NT5DC3: variants seen among roughly 807,000 people sequenced by gnomAD.
NT5DC3 encodes the protein 5'-nucleotidase domain-containing protein 3.
A neutral mutation model predicts 67.8 loss-of-function variants in NT5DC3; 42 were observed. The ratio of observed to expected loss-of-function variants is 0.62; its 90% CI spans 0.48 to 0.80. The LOEUF is 0.80. Among genes scored for constraint, NT5DC3 ranks in the 30% least tolerant of loss-of-function variants. NT5DC3 has a pLI of 0.00. For synonymous variants in NT5DC3, 237 were observed against 255.6 expected (o/e 0.93, Z 0.69); for missense variants, 570 against 696.4 (o/e 0.82, Z 2.04).
chr12:103,839,615 C>G (rs12426183), intron 1 of NT5DC3, among the ~76,000 whole-genome samples: 13,854 of 152,154 alleles, frequency 0.091, 879 homozygotes, highest in Non-Finnish European at 0.13. Flanking sequence ...AAAAACTTTC[C>G]TGCCCAAAAG....
chr12:103,815,580 C>A (rs1283616722), intron 1 of NT5DC3, among the ~76,000 whole-genome samples: 1 of 151,978 alleles, frequency 6.6e-6, no homozygotes, highest in African/African-American at 2.4e-5. Context: ...CACCATCACA[C>A]CCTACTAATT....
Position 103,775,524 on chromosome 12 carries a change from G to A in NT5DC3, c.*2305C>T, listed in dbSNP as rs1885313290. On this transcript the variant is annotated 3_prime_UTR_variant, in exon 14 of 14. Coordinates refer to ENST00000392876, the MANE Select transcript of NT5DC3 (RefSeq NM_001031701.3). ...TGCTTCTCCAAAGCAGAAACTTGAA[G>A]CCAAGAACACCAGCGCATTCTTTTA... The A allele has an allele frequency of 6.6e-6, 1 of 152,092 alleles. No individual in the cohort carries two copies. Among genetic ancestry groups the A allele is most frequent in the Non-Finnish European group, 1.5e-5 (1 of 68,018 alleles). 9.4% of individuals were successfully genotyped at this position (152,092 alleles called of 1,614,324 possible).
chr12:103,794,308 T>C (rs9706225), intron 6 of NT5DC3, among the ~76,000 whole-genome samples: 55,723 of 151,314 alleles, frequency 0.37, 11,336 homozygotes, highest in East Asian at 0.88. Flanking sequence ...CGCCAGCACA[T>C]CAGGCTAATT....
chr12:103,831,808 A>G (rs1182587565), intron 1 of NT5DC3, among the ~76,000 whole-genome samples: 3 of 142,518 alleles, frequency 2.1e-5, no homozygotes, highest in South Asian at 2.2e-4. Flanking sequence ...CAGAATCCCA[A>G]TCTGTCACTC....
At chr12:103,750,309 G>C in the NT5DC3 span, among the ~76,000 whole-genome samples, 1 of 152,244 alleles carries the variant, frequency 6.6e-6, no homozygotes, top group Non-Finnish European at 1.5e-5. Flanking sequence ...AGGCCAATGT[G>C]ATAGAAGGGA....
chr12:103,770,595 CAACT>C (rs2139281880), downstream of NT5DC3: 1 of 152,234 alleles, frequency 6.6e-6, no homozygotes, highest in Non-Finnish European at 1.5e-5. Context: ...TCACCAAACC[CAACT>C]AATGTGGTTT....
At chr12:103,792,822 G>A (rs530844155) in intron 9 of NT5DC3, among the ~76,000 whole-genome samples, 1 of 152,312 alleles carries the variant, frequency 6.6e-6, no homozygotes, top group East Asian at 1.9e-4. Context: ...TTTTGTTGCT[G>A]CTGTTGTTTT....
At chr12:103,828,735 T>C (rs1250723166) in intron 1 of NT5DC3, among the ~76,000 whole-genome samples, 1 of 150,884 alleles carries the variant, frequency 6.6e-6, no homozygotes, top group Admixed American at 6.6e-5. Flanking sequence ...TCTCACTCTG[T>C]TGCCCAGGCT....
rs1885234358 is a variant in NT5DC3 at position 103,773,250 on chromosome 12, G to GA, written c.*4578_*4579insT. The GA allele has an allele frequency of 6.6e-6, 1 of 152,216 alleles. No homozygotes were observed. The highest frequency in any genetic ancestry group is 1.5e-5 in the Non-Finnish European group (1 of 68,042). The allele number at this position is 152,216 out of a possible 1,614,324, so 9.4% of individuals were successfully genotyped here. A position where few individuals can be genotyped will look rare whatever the true frequency, so the allele number is the denominator to read the frequency against. On this transcript the variant is annotated 3_prime_UTR_variant, in exon 14 of 14. Transcript: ENST00000392876. ...CCCACAGCTTGTCTTGGTAAATCAA[G>GA]TTGTGCTGGAACACAGCCATGACCA...
At chr12:103,840,422 T>TCTCAA (rs1566137827) in intron 1 of NT5DC3, among the ~76,000 whole-genome samples, 1 of 125,478 alleles carries the variant, frequency 8.0e-6, no homozygotes, top group Admixed American at 8.0e-5. Context: ...TCTCATCTCA[T>TCTCAA]TCCATCCCAT....
chr12:103,753,263 G>C, the NT5DC3 span: 1 of 1,614,220 alleles, frequency 6.2e-7, no homozygotes, highest in Non-Finnish European at 8.5e-7. Context: ...CACTGGGCCA[G>C]TATAAGCTGA....
intron 12 of NT5DC3, among the ~76,000 whole-genome samples, chr12:103,783,028 G>A (rs1885624151): frequency 1.3e-5 from 2 of 152,086 alleles, no homozygotes; most frequent in Admixed American, 1.3e-4. Context: ...CACTCTACTG[G>A]CTCTGAAAAA....
At chr12:103,751,332 A>G in the NT5DC3 span, among the ~76,000 whole-genome samples, 1 of 152,138 alleles carries the variant, frequency 6.6e-6, no homozygotes, top group African/African-American at 2.4e-5. Flanking sequence ...AGCCATGAGG[A>G]AGACACATGA....
intron 1 of NT5DC3, among the ~76,000 whole-genome samples, chr12:103,821,254 A>C (rs866916258): frequency 6.6e-6 from 1 of 152,234 alleles, no homozygotes; most frequent in Non-Finnish European, 1.5e-5. Context: ...GTAATAAGCC[A>C]CTGGGATTTT....
chr12:103,750,511 T>C, the NT5DC3 span: 4 of 1,588,830 alleles, frequency 2.5e-6, no homozygotes, highest in African/African-American at 4.0e-5. Flanking sequence ...ATTGGTCCCA[T>C]GGGCACTTGG....
intron 6 of NT5DC3, among the ~76,000 whole-genome samples, chr12:103,794,783 C>T (rs533155024): frequency 9.2e-5 from 14 of 152,156 alleles, no homozygotes; most frequent in Non-Finnish European, 1.6e-4. Flanking sequence ...AGCAGGGCAA[C>T]GAACTGGCAA....
At chr12:103,824,211 G>C (rs1380794241) in intron 1 of NT5DC3, among the ~76,000 whole-genome samples, 1 of 152,226 alleles carries the variant, frequency 6.6e-6, no homozygotes, top group Non-Finnish European at 1.5e-5. Flanking sequence ...GGCCAAGGTT[G>C]AGATGACAAT....
At chr12:103,821,469 A>C (rs1410668619) in intron 1 of NT5DC3, among the ~76,000 whole-genome samples, 3 of 152,200 alleles carry the variant, frequency 2.0e-5, no homozygotes, top group African/African-American at 7.2e-5. Context: ...GACTAGTTTG[A>C]GGCAGACATG....
intron 9 of NT5DC3, 185 bp from the exon 10 acceptor site, chr12:103,789,104 T>G: frequency 1.8e-6 from 1 of 551,938 alleles, no homozygotes; most frequent in Non-Finnish European, 3.2e-6. Context: ...TGAAGCCCAG[T>G]ATCCAAAGGT....
Sources: gnomAD v4.1 joint callset for allele counts (sites outside exome capture counted in the v4.1 genomes callset) on GRCh38, gnomAD v4.1.1 for gene constraint, MANE v1.5 for transcripts, NCBI Gene and HGNC (gene_info 2026-07-23, HGNC 2026-07-21) for gene names.